RIC3: variants seen among roughly 807,000 people sequenced by gnomAD.
The protein encoded by RIC3 is protein RIC-3.
Under a neutral mutation model 27.3 loss-of-function variants are expected in RIC3, and 28 were observed. The observed-to-expected ratio is 1.02, with a 90% CI of 0.76 to 1.41. The LOEUF (loss-of-function observed/expected upper bound fraction) is 1.41, where lower values mean the gene tolerates loss of function less well. RIC3 is among the 40% of genes most tolerant of loss of function. The pLI is 0.00. For synonymous variants in RIC3, 184 were observed against 160.4 expected (o/e 1.15, Z -1.11); for missense variants, 501 against 444.7 (o/e 1.13, Z -1.14).
intron 4 of RIC3, among the ~76,000 whole-genome samples, chr11:8,133,223 C>T (rs893234744): frequency 1.3e-5 from 2 of 152,162 alleles, no homozygotes; most frequent in Non-Finnish European, 2.9e-5. Context: ...GCAAGAAGAC[C>T]CTCAACAGAT....
chr11:8,114,080 C>T (rs1328641481), intron 5 of RIC3, among the ~76,000 whole-genome samples: 1 of 152,190 alleles, frequency 6.6e-6, no homozygotes, highest in East Asian at 1.9e-4. Flanking sequence ...AGGACTCTAC[C>T]AGCAAGTCTA....
At chr11:8,120,523 G>A (rs1392152449) in intron 5 of RIC3, among the ~76,000 whole-genome samples, 6 of 152,262 alleles carry the variant, frequency 3.9e-5, no homozygotes, top group South Asian at 2.1e-4. Flanking sequence ...ACCGGGACCT[G>A]TCGGAGGATG....
rs1267672735 is a variant in RIC3, at chr11:8,106,368, T to A, written c.*4330A>T. On this transcript the variant is annotated 3_prime_UTR_variant, in exon 6 of 6. Transcript: ENST00000309737. ...TAAGTAGGTGATAATAGCAAAGAGATCATAACCTCACCAATGACATGTGGG... is the reference window on the plus strand; with the variant it reads ...TAAGTAGGTGATAATAGCAAAGAGAACATAACCTCACCAATGACATGTGGG... The A allele has an allele frequency of 6.6e-6, 1 of 152,206 alleles. No homozygotes were observed. Among genetic ancestry groups the A allele is most frequent in the Non-Finnish European group, 1.5e-5 (1 of 68,036 alleles). 9.4% of individuals were successfully genotyped at this position (152,206 alleles called of 1,614,324 possible).
chr11:8,128,332 A>C, intron 4 of RIC3: 1 of 454,200 alleles, frequency 2.2e-6, no homozygotes, highest in Non-Finnish European at 4.4e-6. Flanking sequence ...TTCCTAAGTC[A>C]TGGGAAATCA....
intron 4 of RIC3, chr11:8,128,502 T>A: frequency 5.9e-6 from 2 of 340,330 alleles, no homozygotes; most frequent in Admixed American, 8.4e-5. Flanking sequence ...GTCTACCTTA[T>A]GACATCTTCT....
chr11:8,140,052 C>T lies in RIC3; in HGVS notation c.266G>A (p.Gly89Glu), dbSNP rs781770019. Reference protein sequence around the residue: ...AKGSGGGAGGGGSGRGLMGQI... With the variant: ...AKGSGGGAGGEGSGRGLMGQI... ...CCCCATCAGACCTCTTCCACTACCTCCTCCTCCAGCACCTCCACCTGATCC... is the reference window on the plus strand; with the variant it reads ...CCCCATCAGACCTCTTCCACTACCTTCTCCTCCAGCACCTCCACCTGATCC... Residue 89 changes from glycine to glutamate, a missense_variant, in exon 2 of 6, where the codon GGA (glycine) becomes GAA (glutamate). Transcript: ENST00000309737. The T allele has an allele frequency of 1.9e-6, 3 of 1,613,978 alleles. No homozygotes were observed.
the RIC3 span, among the ~76,000 whole-genome samples, chr11:8,099,181 T>A: frequency 1.3e-5 from 2 of 152,098 alleles, no homozygotes; most frequent in African/African-American, 2.4e-5. Flanking sequence ...TGTCTGTGCA[T>A]TTCCCAGATC....
At chr11:8,168,160 A>G (rs1951900258) in intron 1 of RIC3, among the ~76,000 whole-genome samples, 1 of 152,222 alleles carries the variant, frequency 6.6e-6, no homozygotes, top group Admixed American at 6.5e-5. Context: ...CCCAGCCTTC[A>G]GCACCGTGCC....
chr11:8,119,807 GC>G (rs1164022322), intron 5 of RIC3, among the ~76,000 whole-genome samples: 3 of 152,252 alleles, frequency 2.0e-5, no homozygotes, highest in Admixed American at 1.3e-4. Flanking sequence ...CTGACAAAGG[GC>G]TAATATCTAG....
At chr11:8,126,920 T>C (rs772028975) in intron 4 of RIC3, 113 bp from the exon 5 acceptor site, 20 of 1,223,196 alleles carry the variant, frequency 1.6e-5, no homozygotes, top group Admixed American at 5.5e-5. Flanking sequence ...TTGCAGCAGA[T>C]AATTATTCTA....
chr11:8,097,475 A>G, the RIC3 span: 1 of 1,609,592 alleles, frequency 6.2e-7, no homozygotes, highest in Non-Finnish European at 8.5e-7. Flanking sequence ...GCCCTTTGAA[A>G]TCCTAGGGGC....
chr11:8,168,921 C>A lies in RIC3; in HGVS notation c.69G>T (p.Leu23=). Residue 23 remains leucine (L), a synonymous_variant, in exon 1 of 6, where the codon CTG becomes CTT. Transcript: ENST00000309737. ...SGLVLALSLL[L]PKAFLSRGKR... is the part of the protein sequence containing the mutation. Reference sequence around the variant, plus strand: ...TCCCGCGGGACAGGAAGGCCTTGGGCAGCAGCAGCGACAGAGCCAGGACAA... The same window carrying A: ...TCCCGCGGGACAGGAAGGCCTTGGGAAGCAGCAGCGACAGAGCCAGGACAA... 1.9e-6 allele frequency: 3 copies of A among 1,612,030 alleles called. No individual in the cohort carries two copies. The highest frequency in any genetic ancestry group is 2.5e-6 in the Non-Finnish European group (3 of 1,179,070).
At chr11:8,151,890 T>G (rs1950272574) in intron 1 of RIC3, among the ~76,000 whole-genome samples, 1 of 141,960 alleles carries the variant, frequency 7.0e-6, no homozygotes, top group African/African-American at 2.7e-5. Flanking sequence ...CACTCCAGCC[T>G]GGGGGACAGA....
At position 8,140,650 on chromosome 11, in the gene RIC3, T is replaced by C. The variant is rs142799150; in HGVS notation, c.125-457A>G. On this transcript the variant is annotated intron_variant, in intron 1 of 5. Coordinates refer to ENST00000309737, the MANE Select transcript of RIC3 (RefSeq NM_001206671.4). ...CATCAACCTGATTCCTAAATAATTA[T>C]GTAGTGCAGAGCCCTCCACTGCTGC... Among the ~76,000 whole-genome samples the C allele has an allele frequency of 6.5e-3, 983 of 152,310 alleles. 22 individuals are homozygous for C. Among genetic ancestry groups the C allele is most frequent in the Admixed American group, 0.051 (782 of 15,290 alleles).
At chr11:8,101,690 C>T, downstream of RIC3, 1 of 1,574,014 alleles carries the variant, frequency 6.4e-7, no homozygotes, top group South Asian at 1.2e-5. Context: ...GGAGACAGCC[C>T]TGCCTATCCT....
At position 8,135,525 on chromosome 11, in the gene RIC3, C is replaced by T. The variant is rs1009431677; in HGVS notation, c.521+1853G>A. 7.9e-5 allele frequency: 12 copies of T among 152,272 alleles called. No homozygotes were observed. In the East Asian group the frequency reaches 9.6e-4, roughly 12 times the overall value. 9.4% of individuals were successfully genotyped at this position (152,272 alleles called of 1,614,324 possible). A position where few individuals can be genotyped will look rare whatever the true frequency, so the allele number is the denominator to read the frequency against. On this transcript the variant is annotated intron_variant, in intron 4 of 5. Transcript: ENST00000309737. ...TTTTTTCCAATTCTGTGAAGAAAGT[C>T]ATTGGTAGCTTGATGGGGATGGCGT...
At chr11:8,114,157 G>A (rs774532827) in intron 5 of RIC3, among the ~76,000 whole-genome samples, 8 of 152,104 alleles carry the variant, frequency 5.3e-5, no homozygotes, top group East Asian at 1.9e-4. Flanking sequence ...TGGCTTTTCC[G>A]GACAAAGCCA....
At chr11:8,135,028 G>A (rs914958064) in intron 4 of RIC3, among the ~76,000 whole-genome samples, 1 of 152,134 alleles carries the variant, frequency 6.6e-6, no homozygotes, top group Non-Finnish European at 1.5e-5. Flanking sequence ...TGGTTTTGTT[G>A]CCATTGCTTT....
At chr11:8,126,840 G>A (rs767793485) in intron 4 of RIC3, 33 bp from the exon 5 acceptor site, 4 of 1,612,956 alleles carry the variant, frequency 2.5e-6, no homozygotes, top group South Asian at 2.2e-5. Flanking sequence ...ACCATTTAGT[G>A]GTAAATACTC....
Sources: allele counts gnomAD v4.1 joint callset (sites outside exome capture counted in the v4.1 genomes callset), GRCh38; gene constraint gnomAD v4.1.1; transcripts MANE v1.5; gene names NCBI Gene and HGNC (gene_info 2026-07-23, HGNC 2026-07-21).